The following ACAT1 variants were observed in gnomAD, a reference collection of about 807,000 sequenced individuals.
ACAT1 encodes acetyl-CoA acetyltransferase 1.
In ACAT1, 28 loss-of-function variants were observed where a neutral mutation model predicts 47.3. The observed-to-expected ratio is 0.59, with a 90% CI of 0.44 to 0.81. The LOEUF is 0.81. Ranked by LOEUF, ACAT1 falls within the 30% of genes least tolerant of loss-of-function variation. The pLI, the probability that ACAT1 is intolerant of heterozygous loss-of-function variation, is 0.00. For missense variants in ACAT1, 469 were observed against 524.3 expected, an observed-to-expected ratio of 0.89 and a Z score of 1.03; for synonymous variants, 181 against 173.6, an observed-to-expected ratio of 1.04 and a Z score of -0.34.
intron 1 of ACAT1, among the ~76,000 whole-genome samples, chr11:108,130,550 C>T (rs1357523614): frequency 6.6e-6 from 1 of 151,820 alleles, no homozygotes; most frequent in Non-Finnish European, 1.5e-5. Flanking sequence ...TGGACCACCA[C>T]ACCCAGCTAA....
rs555246881 is a variant in ACAT1, at chr11:108,138,332, G to A, written c.436-566G>A. On this transcript the variant is annotated intron_variant, in intron 5 of 11. Transcript: ENST00000265838. Reference sequence around the variant, plus strand: ...TGTCTGGTTGTGAACTTTTGAGACAGAGCCTTGCTGTCACCCAGGCTGGAG... The same window carrying A: ...TGTCTGGTTGTGAACTTTTGAGACAAAGCCTTGCTGTCACCCAGGCTGGAG... 1.6e-3 allele frequency among the ~76,000 whole-genome samples: 245 copies of A among 151,446 alleles called. 2 individuals are homozygous for A. The highest frequency in any genetic ancestry group is 2.6e-3 in the Non-Finnish European group (175 of 67,902).
chr11:108,145,134 T>G (rs2077678099), intron 10 of ACAT1, among the ~76,000 whole-genome samples: 1 of 152,160 alleles, frequency 6.6e-6, no homozygotes, highest in Non-Finnish European at 1.5e-5. Context: ...ACTAGTAATG[T>G]TTTAAAAAGT....
At chr11:108,128,484 G>A (rs550584942) in intron 1 of ACAT1, among the ~76,000 whole-genome samples, 1 of 152,284 alleles carries the variant, frequency 6.6e-6, no homozygotes, top group Non-Finnish European at 1.5e-5. Flanking sequence ...CCAGGTACTC[G>A]GGAGGCTGAG....
In ACAT1 at chr11:108,143,957, ACCCCCC is replaced by A; in HGVS notation, c.941-19_941-14del. ...CAGTAAAAAAAAAAAGATTTTAACA[ACCCCCC>A]CCCCCCTTTTTTTAAACAGCATTTG... On this transcript the variant is annotated intron_variant, in intron 9 of 11. Coordinates refer to ENST00000265838, the MANE Select transcript of ACAT1 (RefSeq NM_000019.4). The A allele has an allele frequency of 9.1e-6, 8 of 874,914 alleles. No homozygotes were observed. The highest frequency in any genetic ancestry group is 1.2e-5 in the Non-Finnish European group (7 of 589,956). The allele number at this position is 874,914 out of a possible 1,614,324, so 54.2% of individuals were successfully genotyped here. A position where few individuals can be genotyped will look rare whatever the true frequency, so the allele number is the denominator to read the frequency against.
At chr11:108,126,338 G>T (rs953617086) in intron 1 of ACAT1, among the ~76,000 whole-genome samples, 45 of 152,186 alleles carry the variant, frequency 3.0e-4, no homozygotes, top group Non-Finnish European at 6.2e-4. Context: ...ACACTGCAGA[G>T]ACCTTGAGGT....
At chr11:108,131,694 G>A (rs965170111) in intron 1 of ACAT1, among the ~76,000 whole-genome samples, 2 of 151,930 alleles carry the variant, frequency 1.3e-5, no homozygotes, top group South Asian at 2.1e-4. Flanking sequence ...GAGTTAAAAC[G>A]TACATTTCCA....
At chr11:108,145,119 C>T (rs1041830246) in intron 10 of ACAT1, among the ~76,000 whole-genome samples, 23 of 152,078 alleles carry the variant, frequency 1.5e-4, no homozygotes, top group Non-Finnish European at 3.2e-4. Flanking sequence ...TGTTTTAGGG[C>T]ACTCACTAGT....
At chr11:108,132,509 G>A (rs2077380398) in intron 2 of ACAT1, among the ~76,000 whole-genome samples, 1 of 152,144 alleles carries the variant, frequency 6.6e-6, no homozygotes, top group Admixed American at 6.6e-5. Flanking sequence ...ATTCAAGAGA[G>A]CTTTTATCTT....
intron 1 of ACAT1, chr11:108,128,881 T>TA (rs1452338752): frequency 1.3e-5 from 2 of 152,218 alleles, no homozygotes; most frequent in African/African-American, 4.8e-5. Flanking sequence ...AGGGGACTTT[T>TA]AAAATTTAAT....
intron 1 of ACAT1, 109 bp from the exon 2 acceptor site, chr11:108,131,798 A>AAAG (rs1164057443): frequency 4.6e-6 from 2 of 435,226 alleles, no homozygotes; most frequent in Non-Finnish European, 7.8e-6. Context: ...CTTGGAAATA[A>AAAG]AAGCATAAGG....
rs777738417 is a variant in ACAT1 at position 108,134,248 on chromosome 11, C to T, written c.266C>T (p.Ala89Val). 12 of 1,611,938 alleles carry T rather than the reference C, an allele frequency of 7.4e-6. No individual in the cohort carries two copies. The highest frequency in any genetic ancestry group is 9.3e-6 in the Non-Finnish European group (11 of 1,179,374). The change falls in exon 4 of 12, where the codon GCA becomes GTA. Residue 89 changes from alanine to valine, a missense_variant. By Grantham distance (64) the Ala-to-Val change is moderately conservative (BLOSUM62 0). Transcript: ENST00000265838. The part of the protein sequence containing the change: ...AGIPKEEVKE[A>V]YMGNVLQGGE... Reference sequence around the variant, plus strand: ...ATTCCAAAAGAAGAAGTGAAAGAAGCATACATGGGTAATGTTCTACAAGGA... The same window carrying T: ...ATTCCAAAAGAAGAAGTGAAAGAAGTATACATGGGTAATGTTCTACAAGGA...
chr11:108,139,441 A>C (rs1213810782), intron 6 of ACAT1, among the ~76,000 whole-genome samples: 7 of 151,734 alleles, frequency 4.6e-5, no homozygotes, highest in African/African-American at 1.5e-4. Context: ...AAATACAAAA[A>C]AATTAGCCAG....
intron 10 of ACAT1, 41 bp downstream of exon 10, chr11:108,144,088 T>C (rs1183932305): frequency 1.3e-6 from 2 of 1,596,082 alleles, no homozygotes; most frequent in Non-Finnish European, 1.7e-6. Context: ...TATGCTAGCT[T>C]CTGGTTTGCT....
intron 9 of ACAT1, chr11:108,143,663 C>G: frequency 4.4e-6 from 1 of 229,598 alleles, no homozygotes; most frequent in Non-Finnish European, 8.6e-6. Context: ...AGGGACTGTT[C>G]TATGCATTGT....
At chr11:108,123,450 T>G (rs1006517496) in intron 1 of ACAT1, among the ~76,000 whole-genome samples, 1 of 152,190 alleles carries the variant, frequency 6.6e-6, no homozygotes, top group Non-Finnish European at 1.5e-5. Flanking sequence ...TCTCATTACA[T>G]TGGCTCTTTT....
In ACAT1 at chr11:108,140,058, T is replaced by C. The variant is rs565210496; in HGVS notation, c.580-7T>C. 6.2e-7 allele frequency: 1 copy of C among 1,612,862 alleles called. No individual in the cohort carries two copies. Among genetic ancestry groups the C allele is most frequent in the East Asian group, 2.2e-5 (1 of 44,806 alleles). On this transcript the variant is annotated splice_region_variant and splice_polypyrimidine_tract_variant and intron_variant, in intron 6 of 11. Transcript: ENST00000265838. ...GTTAACTTTAAAATATTTCAACTTT[T>C]TATCAGGGCAGCTGTGCTGAGAATA...
rs185422720 is a variant in ACAT1 at position 108,130,426 on chromosome 11, C to T, written c.73-1481C>T. On this transcript the variant is annotated intron_variant, in intron 1 of 11. Coordinates refer to ENST00000265838, the MANE Select transcript of ACAT1 (RefSeq NM_000019.4). ...ATTTATTATCATTTTTTGAGACTCGCTCTGTCGCCCAGGCTGGAGTACAGT... is the reference window on the plus strand; with the variant it reads ...ATTTATTATCATTTTTTGAGACTCGTTCTGTCGCCCAGGCTGGAGTACAGT... Among the ~76,000 whole-genome samples, 5 of 152,228 alleles carry T rather than the reference C, an allele frequency of 3.3e-5. 1 individual carries two copies. The East Asian group carries it at 7.7e-4, about 23-fold the overall frequency.
In ACAT1 at chr11:108,131,942, A is replaced by C. The variant is rs759056115; in HGVS notation, c.108A>C (p.Lys36Asn). Residue 36 changes from lysine to asparagine, a missense_variant, in exon 2 of 12, where the codon AAA (lysine) becomes AAC (asparagine). Transcript: ENST00000265838. ...ATGTGGAACGGAGTTATGTATCAAA[A>C]CCCACTTTGAAGGTAAGTAATTTAA... ...IRYVERSYVS[K>N]PTLKEVVIVS... 2 of 1,507,438 alleles carry C rather than the reference A, an allele frequency of 1.3e-6. No individual in the cohort carries two copies. The highest frequency in any genetic ancestry group is 1.8e-6 in the Non-Finnish European group (2 of 1,088,804). 93.4% of individuals were successfully genotyped at this position (1,507,438 alleles called of 1,614,324 possible).
At chr11:108,146,717 T>C (rs2077718273) in intron 11 of ACAT1, among the ~76,000 whole-genome samples, 1 of 152,188 alleles carries the variant, frequency 6.6e-6, no homozygotes, top group East Asian at 1.9e-4. Context: ...ACCCAATATG[T>C]AGTTTATCCC....
Sources: gnomAD v4.1 joint callset for allele counts (sites outside exome capture counted in the v4.1 genomes callset) on GRCh38, gnomAD v4.1.1 for gene constraint, MANE v1.5 for transcripts, NCBI Gene and HGNC (gene_info 2026-07-23, HGNC 2026-07-21) for gene names.